RNF220: variants seen among roughly 807,000 people sequenced by gnomAD.
RNF220 encodes the protein ring finger protein 220, also known as E3 ubiquitin-protein ligase RNF220.
In RNF220, 7 loss-of-function variants were observed where a neutral mutation model predicts 67.1. The ratio of observed to expected loss-of-function variants is 0.10; its 90% CI spans 0.06 to 0.20. RNF220 has a LOEUF of 0.20. Among genes scored for constraint, RNF220 ranks in the 10% least tolerant of loss-of-function variants. The pLI, the probability that RNF220 is intolerant of heterozygous loss-of-function variation, is 1.00. For missense variants in RNF220, 565 were observed against 740.3 expected (o/e 0.76, Z 2.75); for synonymous variants, 270 against 283.2 (o/e 0.95, Z 0.47).
chr1:44,515,041 G>A (rs1659343668), intron 2 of RNF220, among the ~76,000 whole-genome samples: 1 of 152,302 alleles, frequency 6.6e-6, no homozygotes, highest in South Asian at 2.1e-4. Context: ...TCCAGGGAGT[G>A]GCTATGAAGG....
At chr1:44,637,810 A>G (rs1644371232) in intron 8 of RNF220, among the ~76,000 whole-genome samples, 2 of 152,098 alleles carry the variant, frequency 1.3e-5, no homozygotes, top group South Asian at 4.1e-4. Flanking sequence ...CTTTTCTTTG[A>G]GCGATTTGGA....
intron 2 of RNF220, among the ~76,000 whole-genome samples, chr1:44,452,800 T>C (rs1652824021): frequency 6.6e-6 from 1 of 152,148 alleles, no homozygotes. Context: ...TTCCTTTTTC[T>C]TTGCCTCAGT....
At chr1:44,426,555 C>T (rs1351342666) in intron 2 of RNF220, among the ~76,000 whole-genome samples, 1 of 151,960 alleles carries the variant, frequency 6.6e-6, no homozygotes, top group Non-Finnish European at 1.5e-5. Context: ...GGCAAAACCC[C>T]ATCTCTACTA....
At chr1:44,551,449 A>T (rs748859071) in intron 2 of RNF220, among the ~76,000 whole-genome samples, 2 of 151,870 alleles carry the variant, frequency 1.3e-5, no homozygotes, top group African/African-American at 2.4e-5. Flanking sequence ...ACTGATGAGG[A>T]TTCATATTTT....
chr1:44,456,576 C>T (rs1347068499), intron 2 of RNF220, among the ~76,000 whole-genome samples: 1 of 152,302 alleles, frequency 6.6e-6, no homozygotes, highest in East Asian at 1.9e-4. Context: ...AAGTCCCTGT[C>T]CTCAAGGAGC....
chr1:44,569,819 C>A (rs2148314759), intron 2 of RNF220, among the ~76,000 whole-genome samples: 1 of 152,296 alleles, frequency 6.6e-6, no homozygotes, highest in African/African-American at 2.4e-5. Context: ...CTTTCTAGAC[C>A]ACTCCTTCAA....
chr1:44,545,905 C>T (rs1662100856), intron 2 of RNF220, among the ~76,000 whole-genome samples: 2 of 152,116 alleles, frequency 1.3e-5, no homozygotes. Context: ...TACAGGCATG[C>T]GCCACCACGC....
At chr1:44,479,395 T>C (rs550957611) in intron 2 of RNF220, among the ~76,000 whole-genome samples, 1 of 152,084 alleles carries the variant, frequency 6.6e-6, no homozygotes, top group East Asian at 1.9e-4. Flanking sequence ...GGATTACAGG[T>C]GTGAGCCACC....
intron 2 of RNF220, among the ~76,000 whole-genome samples, chr1:44,555,288 G>A (rs939703867): frequency 6.6e-6 from 1 of 152,086 alleles, no homozygotes; most frequent in East Asian, 1.9e-4. Context: ...GGAATGTCTC[G>A]AACTCCTGGA....
At chr1:44,444,114 T>C (rs979098030) in intron 2 of RNF220, among the ~76,000 whole-genome samples, 8 of 151,944 alleles carry the variant, frequency 5.3e-5, no homozygotes, top group African/African-American at 1.7e-4. Flanking sequence ...AAGAAAGAAA[T>C]AGAACATTTC....
rs1643803667 is a variant in RNF220, at chr1:44,621,722, T to A, written c.759-1020T>A. ...CTTATGTCTACACTCGTTAAGTCCCTATGTGCCCCATGCATTCTGCCTTGG... is the reference window on the plus strand; with the variant it reads ...CTTATGTCTACACTCGTTAAGTCCCAATGTGCCCCATGCATTCTGCCTTGG... On this transcript the variant is annotated intron_variant, in intron 3 of 14. Coordinates refer to ENST00000361799, the MANE Select transcript of RNF220 (RefSeq NM_018150.4). The surrounding 1 kb of genome is among the most constrained non-coding windows in gnomAD (Gnocchi z 4.8). 6.6e-6 allele frequency among the ~76,000 whole-genome samples: 1 copy of A among 152,226 alleles called. No individual in the cohort carries two copies. Among genetic ancestry groups the A allele is most frequent in the South Asian group, 2.1e-4 (1 of 4,828 alleles).
In RNF220 at chr1:44,527,612, A is replaced by T. The variant is rs540033581; in HGVS notation, c.626-86553A>T. The stretch of plus-strand genomic sequence containing the variant: ...GTCTTATTTTTTTTTTAAGTAATGC[A>T]TTAAATAGATGAATTAAAAATTTAA... On this transcript the variant is annotated intron_variant, in intron 2 of 14. Coordinates refer to ENST00000361799, the MANE Select transcript of RNF220 (RefSeq NM_018150.4). 3.3e-5 allele frequency among the ~76,000 whole-genome samples: 5 copies of T among 152,138 alleles called. 1 individual carries two copies. The East Asian group carries it at 9.7e-4, about 29-fold the overall frequency.
intron 2 of RNF220, among the ~76,000 whole-genome samples, chr1:44,502,850 T>A (rs1172226198): frequency 6.6e-6 from 1 of 152,054 alleles, no homozygotes. Flanking sequence ...ACTGCAGCCT[T>A]GACTTCCTGT....
At position 44,645,478 on chromosome 1, in the gene RNF220, G is replaced by A. The variant is rs560252991; in HGVS notation, c.1435G>A (p.Asp479Asn). Residue 479 changes from aspartate (D) to asparagine (N), a missense_variant, in exon 12 of 15, where the codon GAC becomes AAC. Transcript: ENST00000361799. The surrounding 1 kb of genome is among the most constrained non-coding windows in gnomAD (Gnocchi z 5.0). ...CATGCAGAAGACCTGCAAGAACAGC[G>A]ACATCGAGAAGTAAGTGTTTGGCCA... ...EAMQKTCKNS[D>N]IEKITEDSAV... The A allele has an allele frequency of 3.2e-5, 52 of 1,613,980 alleles. No homozygotes were observed. The highest frequency in any genetic ancestry group is 2.9e-4 in the South Asian group (26 of 91,064).
At chr1:44,614,343 G>A in intron 3 of RNF220, 46 bp downstream of exon 3, 3 of 1,601,806 alleles carry the variant, frequency 1.9e-6, no homozygotes, top group Non-Finnish European at 2.6e-6. Context: ...AGTCCACTCA[G>A]GGTTCTGGCC....
At chr1:44,601,291 G>A (rs1666900855) in intron 2 of RNF220, among the ~76,000 whole-genome samples, 1 of 152,136 alleles carries the variant, frequency 6.6e-6, no homozygotes, top group Non-Finnish European at 1.5e-5. Context: ...AAAAAGTATG[G>A]GCAGCAAGCA....
chr1:44,489,136 T>C (rs1015083436), intron 2 of RNF220, among the ~76,000 whole-genome samples: 1 of 152,112 alleles, frequency 6.6e-6, no homozygotes, highest in African/African-American at 2.4e-5. Flanking sequence ...GGTTAGTAAT[T>C]GAGTTGAAGC....
At chr1:44,597,571 GTTC>G (rs1666606927) in intron 2 of RNF220, among the ~76,000 whole-genome samples, 1 of 147,924 alleles carries the variant, frequency 6.8e-6, no homozygotes, top group Non-Finnish European at 1.5e-5. Flanking sequence ...CACCTCTCAC[GTTC>G]TTTTCATACA....
At chr1:44,448,549 A>G (rs960114176) in intron 2 of RNF220, among the ~76,000 whole-genome samples, 2 of 152,196 alleles carry the variant, frequency 1.3e-5, no homozygotes, top group Non-Finnish European at 2.9e-5. Context: ...CTGATGAAAA[A>G]TCTTATTTGG....
Sources: allele counts gnomAD v4.1 joint callset (sites outside exome capture counted in the v4.1 genomes callset), GRCh38; gene constraint gnomAD v4.1.1; non-coding constraint Gnocchi (gnomAD v3.1); transcripts MANE v1.5; gene names NCBI Gene and HGNC (gene_info 2026-07-23, HGNC 2026-07-21).